PPCS: variants seen among roughly 807,000 people sequenced by gnomAD.
PPCS encodes the protein phosphopantothenoylcysteine synthetase.
Under a neutral mutation model 24.6 loss-of-function variants are expected in PPCS, and 17 were observed. That is an observed-to-expected ratio of 0.69 (90% CI 0.47 to 1.04). PPCS has a LOEUF of 1.04. Ranked by LOEUF, PPCS falls within the 50% of genes least tolerant of loss-of-function variation. The pLI, the probability that PPCS is intolerant of heterozygous loss-of-function variation, is 0.00. For missense variants in PPCS, 360 were observed against 402.8 expected, an observed-to-expected ratio of 0.89 and a Z score of 0.91; for synonymous variants, 190 against 168.3, an observed-to-expected ratio of 1.13 and a Z score of -1.00.
downstream of PPCS, among the ~76,000 whole-genome samples, chr1:42,462,931 C>G (rs556157980): frequency 2.6e-5 from 4 of 152,344 alleles, no homozygotes; most frequent in East Asian, 7.7e-4. Context: ...CTAGCACTTC[C>G]TGCCCCTTTA....
intron 2 of PPCS, among the ~76,000 whole-genome samples, chr1:42,471,094 G>T (rs1422136125): frequency 6.6e-6 from 1 of 152,168 alleles, no homozygotes; most frequent in Admixed American, 6.5e-5. Flanking sequence ...TAGCCATGAG[G>T]ATGGGCAGCT....
At chr1:42,456,459 T>G, upstream of PPCS, 1 of 1,188,648 alleles carries the variant, frequency 8.4e-7, no homozygotes, top group Non-Finnish European at 1.1e-6. Context: ...AAAAGAAGGG[T>G]AGTGAACCGC....
At chr1:42,457,650 T>C (rs920459790) in intron 2 of PPCS, 17 of 385,288 alleles carry the variant, frequency 4.4e-5, no homozygotes, top group Middle Eastern at 7.6e-4. Flanking sequence ...TGAATTGAAC[T>C]GGGTTTTAAA....
rs543113422 is a variant in PPCS at position 42,456,760 on chromosome 1, C to T, written c.195C>T (p.Arg65=). 6.2e-6 allele frequency: 10 copies of T among 1,611,960 alleles called. No individual in the cohort carries two copies. Among genetic ancestry groups the T allele is most frequent in the African/African-American group, 5.3e-5 (4 of 75,056 alleles). ...RFLDNFSSGR[R]GATSAEAFLA... is the part of the protein sequence containing the mutation. ...TGGACAACTTCAGCAGCGGGCGGCGCGGTGCAACCTCGGCCGAGGCCTTCC... is the reference window on the plus strand; with the variant it reads ...TGGACAACTTCAGCAGCGGGCGGCGTGGTGCAACCTCGGCCGAGGCCTTCC... The change falls in exon 1 of 3, where the codon CGC becomes CGT. Residue 65 remains arginine, a synonymous_variant. Coordinates refer to ENST00000372561, the MANE Select transcript of PPCS (RefSeq NM_024664.4).
At chr1:42,469,838 A>G (rs1643709445) in intron 2 of PPCS, among the ~76,000 whole-genome samples, 1 of 152,090 alleles carries the variant, frequency 6.6e-6, no homozygotes, top group Non-Finnish European at 1.5e-5. Flanking sequence ...GAGAGATGAG[A>G]TATTCAGTTT....
In PPCS at chr1:42,456,563, C is replaced by T; in HGVS notation, c.-3C>T. ...TGCGCAGGCGCCGGCCGCTGCGCTG[C>T]AGATGGCGGAAATGGATCCGGTAGC... On this transcript the variant is annotated 5_prime_UTR_variant, in exon 1 of 3. Coordinates refer to ENST00000372561, the MANE Select transcript of PPCS (RefSeq NM_024664.4). The T allele has an allele frequency of 1.4e-6, 2 of 1,472,174 alleles. No individual in the cohort carries two copies. The highest frequency in any genetic ancestry group is 1.8e-6 in the Non-Finnish European group (2 of 1,114,030). The allele number at this position is 1,472,174 out of a possible 1,614,324, so 91.2% of individuals were successfully genotyped here.
At chr1:42,470,874 G>T (rs1643748804) in intron 2 of PPCS, among the ~76,000 whole-genome samples, 1 of 152,218 alleles carries the variant, frequency 6.6e-6, no homozygotes, top group Non-Finnish European at 1.5e-5. Flanking sequence ...TTCTGGAAAT[G>T]ATTGTGGTGA....
exon 3 of PPCS, chr1:42,473,246 G>T (rs1204250759): frequency 8.1e-7 from 1 of 1,231,572 alleles, no homozygotes; most frequent in African/African-American, 1.5e-5. Context: ...ACAGGCTGAG[G>T]ACTGCTACCA....
Position 42,460,161 on chromosome 1 carries a change from G to A in PPCS, c.*235G>A. 1 of 1,243,670 alleles carries A rather than the reference G, an allele frequency of 8.0e-7. No individual in the cohort carries two copies. The highest frequency in any genetic ancestry group is 1.0e-6 in the Non-Finnish European group (1 of 992,580). 77.0% of individuals were successfully genotyped at this position (1,243,670 alleles called of 1,614,324 possible). ...TCACCTTTAAAAAGAAGAGCTTATT[G>A]GGAATTATATATTCCTTAAAATATA... On this transcript the variant is annotated 3_prime_UTR_variant, in exon 3 of 3. Coordinates refer to ENST00000372561, the MANE Select transcript of PPCS (RefSeq NM_024664.4).
At position 42,472,646 on chromosome 1, in the gene PPCS, C is replaced by CT. The variant is rs1210844030; in HGVS notation, n.378-465dup. Among the ~76,000 whole-genome samples, 893 of 145,580 alleles carry CT rather than the reference C, an allele frequency of 6.1e-3. 9 individuals are homozygous for CT. The highest frequency in any genetic ancestry group is 0.019 in the African/African-American group (764 of 39,806). ...GCAAACTTTAGAACAGACAGAAAAG[C>CT]TTTTTTTTTTTCCATTGTACATAAT... On this transcript the variant is annotated intron_variant and non_coding_transcript_variant, in intron 2 of 2. Transcript: ENST00000471420.
Position 42,460,049 on chromosome 1 carries a change from G to C in PPCS, c.*123G>C. On this transcript the variant is annotated 3_prime_UTR_variant, in exon 3 of 3. Coordinates refer to ENST00000372561, the MANE Select transcript of PPCS (RefSeq NM_024664.4). ...AAAGAAAGGGAAAAGGCAGTGGTGT[G>C]TAGGCAAATATGGTTTGGCATTTGT... is the stretch of plus-strand genomic sequence containing the variant. 7.0e-7 allele frequency: 1 copy of C among 1,426,482 alleles called. No homozygotes were observed. Among genetic ancestry groups the C allele is most frequent in the Non-Finnish European group, 9.1e-7 (1 of 1,095,212 alleles). 88.4% of individuals were successfully genotyped at this position (1,426,482 alleles called of 1,614,324 possible). A position where few individuals can be genotyped will look rare whatever the true frequency, so the allele number is the denominator to read the frequency against.
At chr1:42,456,407 A>C (rs1569589938), upstream of PPCS, 1 of 823,158 alleles carries the variant, frequency 1.2e-6, no homozygotes, top group East Asian at 2.8e-5. Context: ...GGGGCAGAAC[A>C]ACTACGCATT....
At chr1:42,470,593 T>C (rs1643737458) in intron 2 of PPCS, among the ~76,000 whole-genome samples, 1 of 152,166 alleles carries the variant, frequency 6.6e-6, no homozygotes, top group African/African-American at 2.4e-5. Flanking sequence ...ATAAATAAAA[T>C]GTGCTATGTA....
chr1:42,458,020 T>C (rs1643286083), intron 2 of PPCS, among the ~76,000 whole-genome samples: 1 of 149,414 alleles, frequency 6.7e-6, no homozygotes, highest in African/African-American at 2.5e-5. Context: ...GTGGGAAAGG[T>C]CATTCCAGGT....
downstream of PPCS, among the ~76,000 whole-genome samples, chr1:42,465,654 G>A (rs113903223): frequency 6.6e-6 from 1 of 151,836 alleles, no homozygotes; most frequent in Non-Finnish European, 1.5e-5. Context: ...TGTGAGCCAC[G>A]GTACCCGACC....
chr1:42,456,800 G>A lies in PPCS; in HGVS notation c.235G>A (p.Gly79Arg). The A allele has an allele frequency of 6.2e-7, 1 of 1,613,302 alleles. No individual in the cohort carries two copies. The highest frequency in any genetic ancestry group is 8.5e-7 in the Non-Finnish European group (1 of 1,180,030). ...CGAGGCCTTCCTAGCCGCCGGCTAC[G>A]GGGTCCTGTTCTTGTATCGCGCTCG... is the stretch of plus-strand genomic sequence containing the variant. ...SAEAFLAAGY[G>R]VLFLYRARSA... is the part of the protein sequence containing the mutation. Residue 79 changes from glycine (G) to arginine (R), a missense_variant, in exon 1 of 3, where the codon GGG becomes AGG. Transcript: ENST00000372561.
rs59732163 is a variant in PPCS at position 42,466,557 on chromosome 1, G to GT, written n.378-6553dup. ...TTTTTTGTTGTTGTTGTTTTGTTTT[G>GT]TTTTTTTTTTTTGAGATGGAGCCTT... is the stretch of plus-strand genomic sequence containing the variant. On this transcript the variant is annotated intron_variant and non_coding_transcript_variant, in intron 2 of 2. Transcript: ENST00000471420. Among the ~76,000 whole-genome samples the GT allele has an allele frequency of 4.5e-3, 659 of 145,208 alleles. 4 individuals carry two copies. The highest frequency in any genetic ancestry group is 0.012 in the African/African-American group (467 of 39,614).
chr1:42,462,120 AC>A (rs1416710754), downstream of PPCS, among the ~76,000 whole-genome samples: 3 of 152,180 alleles, frequency 2.0e-5, no homozygotes, highest in Admixed American at 2.0e-4. Context: ...ACGCTTAAAA[AC>A]AATCAGTGTT....
At chr1:42,456,486 G>T (rs1643183834), upstream of PPCS, 2 of 1,384,894 alleles carry the variant, frequency 1.4e-6, no homozygotes. Flanking sequence ...AGTACGGCGC[G>T]GCGCGTACAC....
Sources: allele counts gnomAD v4.1 joint callset (sites outside exome capture counted in the v4.1 genomes callset), GRCh38; gene constraint gnomAD v4.1.1; transcripts MANE v1.5; gene names NCBI Gene and HGNC (gene_info 2026-07-23, HGNC 2026-07-21).